Variants in CDCA2 observed in about 807,000 individuals in gnomAD.
CDCA2 encodes cell division cycle associated 2.
CDCA2 carries 44 observed loss-of-function variants against 67.0 expected under a neutral mutation model. The ratio of observed to expected loss-of-function variants is 0.66; its 90% CI spans 0.52 to 0.84. CDCA2 has a LOEUF of 0.84. CDCA2 is among the 40% of genes least tolerant of loss of function. The probability of loss-of-function intolerance (pLI) is 0.00; values close to 1 mark genes in which losing one functional copy is unlikely to be tolerated. For missense variants in CDCA2, 1,253 were observed against 1,203.2 expected (o/e 1.04, Z -0.61); for synonymous variants, 447 against 418.7 (o/e 1.07, Z -0.82).
chr8:25,481,812 A>G (rs1293421148), intron 8 of CDCA2, among the ~76,000 whole-genome samples: 1 of 152,270 alleles, frequency 6.6e-6, no homozygotes, highest in Non-Finnish European at 1.5e-5. Context: ...AATAAATCTA[A>G]AAGTAAACAT....
At chr8:25,500,790 A>G (rs1346496499) in intron 13 of CDCA2, among the ~76,000 whole-genome samples, 1 of 152,168 alleles carries the variant, frequency 6.6e-6, no homozygotes, top group Non-Finnish European at 1.5e-5. Context: ...GCTCTATCAC[A>G]TGTCAACTCA....
rs773590003 is a variant in CDCA2 at position 25,506,584 on chromosome 8, C to T, written c.1918C>T (p.Arg640Cys). ...KNPVKRKDLL[R>C]HDPDLHMHQG... ...TCCAGTGAAAAGAAAGGATCTTTTG[C>T]GTCATGACCCAGATTTGCATATGCA... Residue 640 changes from arginine to cysteine, a missense_variant, in exon 15 of 15, where the codon CGT becomes TGT. Arg to Cys is a radical substitution (Grantham distance 180). Transcript: ENST00000330560. The T allele has an allele frequency of 9.4e-6, 15 of 1,603,500 alleles. 1 individual carries two copies. The highest frequency in any genetic ancestry group is 2.3e-5 in the South Asian group (2 of 88,064).
intron 1 of CDCA2, 104 bp from the exon 2 acceptor site, chr8:25,460,136 C>T (rs1802619329): frequency 3.7e-6 from 4 of 1,074,402 alleles, no homozygotes; most frequent in Non-Finnish European, 5.7e-6. Flanking sequence ...TGTTTCTATG[C>T]CAGTATGGAC....
intron 4 of CDCA2, among the ~76,000 whole-genome samples, chr8:25,462,449 A>C (rs572584794): frequency 1.7e-4 from 23 of 136,746 alleles, no homozygotes; most frequent in African/African-American, 6.1e-4. Flanking sequence ...CAACATGGTG[A>C]AACCCCATCT....
At position 25,506,884 on chromosome 8, in the gene CDCA2, T is replaced by G; in HGVS notation, c.2218T>G (p.Ser740Ala). 6.2e-7 allele frequency: 1 copy of G among 1,612,400 alleles called. No individual in the cohort carries two copies. Among genetic ancestry groups the G allele is most frequent in the Non-Finnish European group, 8.5e-7 (1 of 1,179,332 alleles). ...GACCCTGCAGCAGGGTCAAGAATTT[T>G]CTGCTGGTGGTCAAAATGCAGAAAA... Reference protein sequence around the residue: ...ALTLQQGQEFSAGGQNAENLC... With the variant: ...ALTLQQGQEFAAGGQNAENLC... Residue 740 changes from serine to alanine, a missense_variant, in exon 15 of 15, where the codon TCT (serine) becomes GCT (alanine). Ser to Ala is a moderately conservative substitution (Grantham distance 99). Coordinates refer to ENST00000330560, the MANE Select transcript of CDCA2 (RefSeq NM_152562.4).
Position 25,483,958 on chromosome 8 carries a change from A to G in CDCA2, c.1121-8A>G, listed in dbSNP as rs1369686816. The G allele has an allele frequency of 6.2e-7, 1 of 1,608,556 alleles. No individual in the cohort carries two copies. Among genetic ancestry groups the G allele is most frequent in the South Asian group, 1.1e-5 (1 of 90,810 alleles). On this transcript the variant is annotated splice_region_variant and splice_polypyrimidine_tract_variant and intron_variant, in intron 9 of 14. Transcript: ENST00000330560. Reference sequence around the variant, plus strand: ...TTTAAGTTACTCTCATTTATTGTCTAATTATAGAAGATGAAGAAAATTTTG... The same window carrying G: ...TTTAAGTTACTCTCATTTATTGTCTGATTATAGAAGATGAAGAAAATTTTG...
chr8:25,499,422 G>A (rs2078745061), intron 13 of CDCA2, among the ~76,000 whole-genome samples: 1 of 148,580 alleles, frequency 6.7e-6, no homozygotes, highest in Non-Finnish European at 1.5e-5. Flanking sequence ...TCCTGCCTCA[G>A]GCTTCCCTAG....
chr8:25,503,237 T>G (rs1030579585), intron 13 of CDCA2, 136 bp from the exon 14 acceptor site: 49 of 657,932 alleles, frequency 7.4e-5, no homozygotes, highest in Non-Finnish European at 1.2e-4. Flanking sequence ...GAGCTGAGAT[T>G]GTGCCACTGC....
chr8:25,507,343 A>G lies in CDCA2; in HGVS notation c.2677A>G (p.Ser893Gly). The G allele has an allele frequency of 6.2e-7, 1 of 1,613,904 alleles. No homozygotes were observed. Among genetic ancestry groups the G allele is most frequent in the East Asian group, 2.2e-5 (1 of 44,882 alleles). ...AAATAGTGAAACCAAAGTGCGACGT[A>G]GCACGAGGCTACAGAAGGATTTAGA... ...RRNSETKVRRSTRLQKDLENE... is the reference protein window; with the variant it reads ...RRNSETKVRRGTRLQKDLENE... Residue 893 changes from serine to glycine, a missense_variant, in exon 15 of 15, where the codon AGC becomes GGC. Coordinates refer to ENST00000330560, the MANE Select transcript of CDCA2 (RefSeq NM_152562.4).
chr8:25,495,305 A>G (rs546830545), intron 13 of CDCA2, among the ~76,000 whole-genome samples: 20 of 152,364 alleles, frequency 1.3e-4, no homozygotes, highest in African/African-American at 4.6e-4. Context: ...GTAGAAAGAG[A>G]ACAATCTCTA....
Position 25,504,619 on chromosome 8 carries a change from T to C in CDCA2, c.1843+1075T>C, listed in dbSNP as rs116192294. ...TTGACTCCTGGCTTCTGCGTCCTGCTTAACATTAGGATAGCACAGGAGTTT... is the reference window on the plus strand; with the variant it reads ...TTGACTCCTGGCTTCTGCGTCCTGCCTAACATTAGGATAGCACAGGAGTTT... On this transcript the variant is annotated intron_variant, in intron 14 of 14. Coordinates refer to ENST00000330560, the MANE Select transcript of CDCA2 (RefSeq NM_152562.4). Among the ~76,000 whole-genome samples the C allele has an allele frequency of 8.7e-3, 1,326 of 152,300 alleles. 20 individuals are homozygous for C. The highest frequency in any genetic ancestry group is 0.03 in the African/African-American group (1,236 of 41,554).
intron 7 of CDCA2, among the ~76,000 whole-genome samples, chr8:25,478,503 A>C (rs752899613): frequency 1.3e-5 from 2 of 151,968 alleles, no homozygotes; most frequent in Admixed American, 6.6e-5. Context: ...CCTCCTCAAA[A>C]TCTTTCATCG....
intron 11 of CDCA2, among the ~76,000 whole-genome samples, chr8:25,486,821 A>C (rs1301253520): frequency 1.3e-5 from 2 of 152,114 alleles, no homozygotes; most frequent in Admixed American, 1.3e-4. Context: ...TCTCAAAAAA[A>C]ACAAGTGGTC....
At chr8:25,461,131 G>A (rs1244834700) in intron 3 of CDCA2, among the ~76,000 whole-genome samples, 1 of 152,000 alleles carries the variant, frequency 6.6e-6, no homozygotes, top group African/African-American at 2.4e-5. Context: ...GCCGGGCATG[G>A]TGGTGCATGC....
chr8:25,498,963 G>T (rs1030058182), intron 13 of CDCA2, among the ~76,000 whole-genome samples: 1 of 152,080 alleles, frequency 6.6e-6, no homozygotes, highest in Middle Eastern at 3.2e-3. Flanking sequence ...TCAAGACACT[G>T]CAGGATTTTC....
intron 7 of CDCA2, among the ~76,000 whole-genome samples, chr8:25,478,760 C>T (rs949047167): frequency 3.3e-5 from 5 of 152,118 alleles, no homozygotes; most frequent in African/African-American, 1.2e-4. Context: ...TTGTTCTTTT[C>T]AGGTGTCTGC....
intron 13 of CDCA2, among the ~76,000 whole-genome samples, chr8:25,501,785 T>C (rs185607276): frequency 6.6e-6 from 1 of 152,334 alleles, no homozygotes; most frequent in East Asian, 1.9e-4. Context: ...CCTTGAAGAA[T>C]ACATCCTCTT....
intron 4 of CDCA2, among the ~76,000 whole-genome samples, chr8:25,463,859 A>G (rs1333879102): frequency 6.6e-6 from 1 of 152,134 alleles, no homozygotes; most frequent in South Asian, 2.1e-4. Context: ...CACAGGGCAC[A>G]CTGGCTTTTC....
intron 13 of CDCA2, among the ~76,000 whole-genome samples, chr8:25,493,295 A>T (rs903936014): frequency 6.6e-6 from 1 of 152,184 alleles, no homozygotes; most frequent in Non-Finnish European, 1.5e-5. Context: ...AATTAGATTA[A>T]ATGCCACTTC....
Sources: gnomAD v4.1 joint callset for allele counts (sites outside exome capture counted in the v4.1 genomes callset) on GRCh38, gnomAD v4.1.1 for gene constraint, MANE v1.5 for transcripts, NCBI Gene and HGNC (gene_info 2026-07-23, HGNC 2026-07-21) for gene names.